Variants in AGBL3 observed in about 807,000 individuals in gnomAD.
The protein encoded by AGBL3 is AGBL carboxypeptidase 3, also known as cytosolic carboxypeptidase 3.
In AGBL3, 68 loss-of-function variants were observed where a neutral mutation model predicts 94.5. The observed-to-expected ratio is 0.72, with a 90% CI of 0.59 to 0.88. The LOEUF is 0.88. Ranked by LOEUF, AGBL3 falls within the 40% of genes least tolerant of loss-of-function variation. The pLI, the probability that AGBL3 is intolerant of heterozygous loss-of-function variation, is 0.00. For synonymous variants in AGBL3, 354 were observed against 370.7 expected, an observed-to-expected ratio of 0.95 and a Z score of 0.52; for missense variants, 934 against 1,103.8, an observed-to-expected ratio of 0.85 and a Z score of 2.18.
chr7:135,019,682 T>C (rs1009574780), intron 5 of AGBL3, among the ~76,000 whole-genome samples: 19 of 152,292 alleles, frequency 1.2e-4, no homozygotes, highest in Non-Finnish European at 1.6e-4. Flanking sequence ...AAGGCTACAG[T>C]AACCAAAACA....
intron 12 of AGBL3, among the ~76,000 whole-genome samples, chr7:135,071,211 T>G (rs556951519): frequency 2.0e-5 from 3 of 152,020 alleles, no homozygotes; most frequent in South Asian, 2.1e-4. Flanking sequence ...CACTGCTCAA[T>G]GAAATAAAAG....
rs557168398 is a variant in AGBL3 at position 135,134,159 on chromosome 7, C to T, written c.2343-682C>T. Among the ~76,000 whole-genome samples the T allele has an allele frequency of 7.2e-5, 11 of 152,128 alleles. No individual in the cohort carries two copies. The East Asian group carries it at 2.1e-3, about 29-fold the overall frequency. On this transcript the variant is annotated intron_variant, in intron 16 of 16. Coordinates refer to ENST00000436302, the MANE Select transcript of AGBL3 (RefSeq NM_178563.4). ...TCTTGACTACATCAATGTCAATATCCTGATTGTGATATTGTTCTATGGTTT... is the reference window on the plus strand; with the variant it reads ...TCTTGACTACATCAATGTCAATATCTTGATTGTGATATTGTTCTATGGTTT...
chr7:135,032,905 G>A lies in AGBL3; in HGVS notation c.480G>A (p.Gln160=), dbSNP rs9656446. ...RVGGNRTPLK[Q]PVDYRDNTLM... The stretch of plus-strand genomic sequence containing the variant: ...GGGGTAACCGAACACCTTTGAAGCA[G>A]CCTGTGGATTACCGTGACAATACTT... Residue 160 remains glutamine (Q), a synonymous_variant, in exon 6 of 17, where the codon CAG becomes CAA. Transcript: ENST00000436302. 9,716 of 1,551,550 alleles carry A rather than the reference G, an allele frequency of 6.3e-3. 332 individuals are homozygous for A. In the African/African-American group the frequency reaches 0.085, roughly 14 times the overall value.
At chr7:135,100,108 G>C (rs557692791) in intron 15 of AGBL3, 1 of 150,786 alleles carries the variant, frequency 6.6e-6, no homozygotes, top group African/African-American at 2.4e-5. Context: ...GGATGGTCTC[G>C]ATCTCCCGAC....
chr7:135,002,775 T>C (rs1811886992), intron 4 of AGBL3, among the ~76,000 whole-genome samples: 1 of 152,208 alleles, frequency 6.6e-6, no homozygotes, highest in Non-Finnish European at 1.5e-5. Flanking sequence ...CATTCTGGTT[T>C]TTGACAATCT....
chr7:135,047,238 T>C (rs1455737218), intron 11 of AGBL3, among the ~76,000 whole-genome samples: 1 of 152,104 alleles, frequency 6.6e-6, no homozygotes, highest in African/African-American at 2.4e-5. Flanking sequence ...AGAATTTCCT[T>C]CTTTTTTAAA....
intron 15 of AGBL3, among the ~76,000 whole-genome samples, chr7:135,110,897 CT>C (rs1490831672): frequency 6.6e-6 from 1 of 152,182 alleles, no homozygotes; most frequent in Non-Finnish European, 1.5e-5. Flanking sequence ...ATCTCTGCCC[CT>C]ATCTTAGATT....
intron 6 of AGBL3, 87 bp from the exon 7 acceptor site, chr7:135,034,058 CTTAT>C (rs1816046290): frequency 4.4e-6 from 5 of 1,125,504 alleles, no homozygotes; most frequent in Non-Finnish European, 6.0e-6. Flanking sequence ...AATAATTTTC[CTTAT>C]TTAACTCAAA....
At chr7:134,991,091 T>G (rs918320452) in intron 3 of AGBL3, among the ~76,000 whole-genome samples, 1 of 151,800 alleles carries the variant, frequency 6.6e-6, no homozygotes, top group Non-Finnish European at 1.5e-5. Flanking sequence ...TTGAGACTTG[T>G]ATAGATGGTT....
chr7:135,047,950 C>T (rs1276299196), intron 11 of AGBL3, among the ~76,000 whole-genome samples: 3 of 151,762 alleles, frequency 2.0e-5, no homozygotes, highest in Non-Finnish European at 4.4e-5. Flanking sequence ...CAGAGATCAG[C>T]GCCATGGAGC....
At chr7:135,061,849 G>GT (rs1052547847) in intron 12 of AGBL3, among the ~76,000 whole-genome samples, 1 of 152,084 alleles carries the variant, frequency 6.6e-6, no homozygotes, top group Non-Finnish European at 1.5e-5. Context: ...GCTCAAGACT[G>GT]TTTTGGCTAG....
intron 15 of AGBL3, among the ~76,000 whole-genome samples, chr7:135,082,403 G>A (rs144891377): frequency 3.3e-5 from 5 of 152,030 alleles, no homozygotes; most frequent in East Asian, 1.9e-4. Flanking sequence ...ATAAAACACC[G>A]TGATTCAAGT....
chr7:135,065,837 G>A (rs10234733), intron 12 of AGBL3, among the ~76,000 whole-genome samples: 2,888 of 152,260 alleles, frequency 0.019, 103 homozygotes, highest in African/African-American at 0.065. Flanking sequence ...GCTGCAGTAA[G>A]TCATGATTGG....
At chr7:134,999,359 C>T (rs1291463047) in intron 4 of AGBL3, among the ~76,000 whole-genome samples, 1 of 152,174 alleles carries the variant, frequency 6.6e-6, no homozygotes, top group African/African-American at 2.4e-5. Flanking sequence ...GCCACCTGCT[C>T]CCCAGGAAAT....
chr7:135,114,833 C>T (rs191719543), intron 15 of AGBL3, among the ~76,000 whole-genome samples: 1 of 152,316 alleles, frequency 6.6e-6, no homozygotes, highest in Admixed American at 6.5e-5. Flanking sequence ...CTCCTCTGCT[C>T]AATGCCTTCC....
chr7:135,100,891 T>TGTAA (rs1412210133), intron 15 of AGBL3, among the ~76,000 whole-genome samples: 1 of 152,224 alleles, frequency 6.6e-6, no homozygotes, highest in Non-Finnish European at 1.5e-5. Context: ...ATTCCCCTTA[T>TGTAA]GTAACATGGG....
At chr7:135,094,903 A>G (rs1184666471) in intron 15 of AGBL3, among the ~76,000 whole-genome samples, 1 of 152,216 alleles carries the variant, frequency 6.6e-6, no homozygotes, top group Non-Finnish European at 1.5e-5. Context: ...GCAAGGAAAA[A>G]TTATATACAG....
rs756247796 is a variant in AGBL3, at chr7:135,110,315, C to G, written c.2111-5065C>G. On this transcript the variant is annotated intron_variant, in intron 15 of 16. Coordinates refer to ENST00000436302, the MANE Select transcript of AGBL3 (RefSeq NM_178563.4). ...CAGCCCCCTGGATTCAGCCCCTTTC[C>G]TAGGGGTATGTACAGAGGTCTAACT... is the stretch of plus-strand genomic sequence containing the variant. 3.9e-5 allele frequency among the ~76,000 whole-genome samples: 6 copies of G among 152,184 alleles called. No individual in the cohort carries two copies. In the East Asian group the frequency reaches 7.7e-4, roughly 20 times the overall value.
chr7:135,120,300 G>T lies in AGBL3; in HGVS notation c.2342+4689G>T, dbSNP rs576520397. ...GATGTGGTTCCAAATATACATAAAA[G>T]ACATATTTAAGACCACTATAAATGT... On this transcript the variant is annotated intron_variant, in intron 16 of 16. Coordinates refer to ENST00000436302, the MANE Select transcript of AGBL3 (RefSeq NM_178563.4). 1.1e-3 allele frequency among the ~76,000 whole-genome samples: 171 copies of T among 152,224 alleles called. 1 individual carries two copies. Among genetic ancestry groups the T allele is most frequent in the Middle Eastern group, 0.01 (3 of 294 alleles).
Sources: gnomAD v4.1 joint callset for allele counts (sites outside exome capture counted in the v4.1 genomes callset) on GRCh38, gnomAD v4.1.1 for gene constraint, MANE v1.5 for transcripts, NCBI Gene and HGNC (gene_info 2026-07-23, HGNC 2026-07-21) for gene names.